CC2D2A: variants seen among roughly 807,000 people sequenced by gnomAD.
CC2D2A encodes coiled-coil and C2 domain containing 2A.
In CC2D2A, 155 loss-of-function variants were observed where a neutral mutation model predicts 212.9. The observed-to-expected ratio is 0.73, with a 90% CI of 0.64 to 0.83. The LOEUF is 0.83. CC2D2A is among the 40% of genes least tolerant of loss of function. CC2D2A has a pLI of 0.00. For missense variants in CC2D2A, 1,856 were observed against 1,956.2 expected (o/e 0.95, Z 0.97); for synonymous variants, 667 against 686.5 (o/e 0.97, Z 0.44).
chr4:15,599,851 A>T lies in CC2D2A; in HGVS notation c.4674+145A>T, dbSNP rs555242782. 290 of 530,180 alleles carry T rather than the reference A, an allele frequency of 5.5e-4. 2 individuals carry two copies. The South Asian group carries it at 9.1e-3, about 17-fold the overall frequency. 32.8% of individuals were successfully genotyped at this position (530,180 alleles called of 1,614,324 possible). A position where few individuals can be genotyped will look rare whatever the true frequency, so the allele number is the denominator to read the frequency against. On this transcript the variant is annotated intron_variant, in intron 36 of 36. Coordinates refer to ENST00000424120, the MANE Select transcript of CC2D2A (RefSeq NM_001378615.1). ...GCAGCATAAACTAAAAACTGTGATCATAAGTTTTAAACCTCAATAATCATG... is the reference window on the plus strand; with the variant it reads ...GCAGCATAAACTAAAAACTGTGATCTTAAGTTTTAAACCTCAATAATCATG...
chr4:15,524,599 C>T (rs1041607172), intron 11 of CC2D2A, among the ~76,000 whole-genome samples: 9 of 151,790 alleles, frequency 5.9e-5, no homozygotes, highest in African/African-American at 1.5e-4. Context: ...TACAGGTGCC[C>T]GCCACCACGC....
intron 23 of CC2D2A, 94 bp from the exon 24 acceptor site, chr4:15,563,261 G>A: frequency 7.9e-7 from 1 of 1,265,692 alleles, no homozygotes; most frequent in South Asian, 1.5e-5. Flanking sequence ...TCAGGGGCGT[G>A]TGCAGGACCA....
At chr4:15,589,892 G>A (rs1464202161) in intron 33 of CC2D2A, among the ~76,000 whole-genome samples, 1 of 151,850 alleles carries the variant, frequency 6.6e-6, no homozygotes, top group Non-Finnish European at 1.5e-5. Flanking sequence ...TTAGTCACCT[G>A]ACCTGCCCGA....
intron 17 of CC2D2A, among the ~76,000 whole-genome samples, chr4:15,541,374 T>G (rs1718436701): frequency 6.6e-6 from 1 of 152,056 alleles, no homozygotes; most frequent in African/African-American, 2.4e-5. Flanking sequence ...CCAATAATTT[T>G]TTGTTCATTA....
chr4:15,567,512 C>G (rs368696510), intron 25 of CC2D2A, 30 bp downstream of exon 25: 264 of 1,575,056 alleles, frequency 1.7e-4, no homozygotes, highest in Middle Eastern at 1.3e-3. Flanking sequence ...AGCTTTCCAC[C>G]TTGCCCCTTA....
At chr4:15,577,410 G>A (rs531561202) in intron 29 of CC2D2A, among the ~76,000 whole-genome samples, 3 of 152,280 alleles carry the variant, frequency 2.0e-5, no homozygotes, top group African/African-American at 7.2e-5. Context: ...GAATCAAACT[G>A]AAATTTGTCA....
intron 4 of CC2D2A, among the ~76,000 whole-genome samples, chr4:15,495,408 C>G (rs1486666431): frequency 2.0e-5 from 3 of 152,156 alleles, no homozygotes; most frequent in Admixed American, 2.0e-4. Flanking sequence ...CACGCCCAGC[C>G]TCTATTGTTT....
intron 19 of CC2D2A, among the ~76,000 whole-genome samples, chr4:15,554,584 G>A (rs948822061): frequency 1.3e-5 from 2 of 152,246 alleles, no homozygotes; most frequent in Non-Finnish European, 2.9e-5. Context: ...GCTCAGGCAT[G>A]AGAATCATTT....
chr4:15,502,869 C>T lies in CC2D2A; in HGVS notation c.384C>T (p.Pro128=). ...ALLQEIPTPR[P]RRLRSPSKKE... The stretch of plus-strand genomic sequence containing the variant: ...TGCAGGAAATCCCCACTCCTCGGCC[C>T]AGACGCTTACGAAGTCCCAGTAAGA... The change falls in exon 6 of 37, where the codon CCC becomes CCT. Residue 128 remains proline (P), a synonymous_variant. Coordinates refer to ENST00000424120, the MANE Select transcript of CC2D2A (RefSeq NM_001378615.1). 1 of 1,612,116 alleles carries T rather than the reference C, an allele frequency of 6.2e-7. No individual in the cohort carries two copies. The highest frequency in any genetic ancestry group is 8.5e-7 in the Non-Finnish European group (1 of 1,179,220).
At chr4:15,601,013 T>C (rs1560201674) in intron 36 of CC2D2A, among the ~76,000 whole-genome samples, 1 of 151,780 alleles carries the variant, frequency 6.6e-6, no homozygotes, top group Non-Finnish European at 1.5e-5. Context: ...GAGGGAACAG[T>C]GATGGAGTGA....
intron 17 of CC2D2A, among the ~76,000 whole-genome samples, chr4:15,549,318 G>A (rs529903190): frequency 2.6e-5 from 4 of 152,204 alleles, no homozygotes; most frequent in Admixed American, 2.6e-4. Flanking sequence ...TGCCACTTAC[G>A]GGCTTCCTGC....
chr4:15,502,588 T>C (rs1716024061), intron 5 of CC2D2A, 71 bp downstream of exon 5: 4 of 1,344,544 alleles, frequency 3.0e-6, no homozygotes, highest in Non-Finnish European at 4.1e-6. Flanking sequence ...AGCTTACTTT[T>C]TATGCTCCAA....
chr4:15,535,358 C>A (rs1718070076), intron 14 of CC2D2A, among the ~76,000 whole-genome samples: 1 of 152,048 alleles, frequency 6.6e-6, no homozygotes, highest in South Asian at 2.1e-4. Context: ...TCCATCCCTC[C>A]CCTCCTTCTT....
intron 11 of CC2D2A, among the ~76,000 whole-genome samples, chr4:15,523,254 T>C (rs138198939): frequency 1.1e-4 from 16 of 152,320 alleles, no homozygotes; most frequent in African/African-American, 3.8e-4. Flanking sequence ...AAAAGTCTAC[T>C]ATATTCTTAG....
Position 15,587,865 on chromosome 4 carries a change from T to C in CC2D2A, c.4115T>C (p.Leu1372Ser). Reference protein sequence around the residue: ...AGDEEEHAVLLCNYFLSLGKK... With the variant: ...AGDEEEHAVLSCNYFLSLGKK... ...GATGAAGAAGAACATGCAGTACTAT[T>C]GTGTAATTACTTTCTGTCTCTGGGT... The change falls in exon 32 of 37, where the codon TTG (leucine) becomes TCG (serine). Residue 1372 changes from leucine to serine, a missense_variant. Coordinates refer to ENST00000424120, the MANE Select transcript of CC2D2A (RefSeq NM_001378615.1). 6.2e-7 allele frequency: 1 copy of C among 1,613,714 alleles called. No individual in the cohort carries two copies. Among genetic ancestry groups the C allele is most frequent in the Non-Finnish European group, 8.5e-7 (1 of 1,179,650 alleles).
intron 29 of CC2D2A, 143 bp downstream of exon 29, chr4:15,574,469 T>A (rs1005742067): frequency 4.7e-6 from 3 of 643,862 alleles, no homozygotes; most frequent in Non-Finnish European, 7.4e-6. Flanking sequence ...TCAGTTTAGA[T>A]AGAATGGTGG....
intron 17 of CC2D2A, among the ~76,000 whole-genome samples, chr4:15,547,233 A>G (rs1013870754): frequency 1.3e-5 from 2 of 152,224 alleles, no homozygotes; most frequent in African/African-American, 4.8e-5. Flanking sequence ...GTATTTTGAT[A>G]CATGAATAGA....
chr4:15,515,726 G>GT, intron 9 of CC2D2A, 142 bp from the exon 10 acceptor site: 1 of 789,456 alleles, frequency 1.3e-6, no homozygotes, highest in Non-Finnish European at 1.9e-6. Flanking sequence ...CTTTTCCTTG[G>GT]TTCTGCTTTT....
Position 15,533,198 on chromosome 4 carries a change from C to T in CC2D2A, c.1472C>T (p.Thr491Ile). ...INEYKSEIRQ[T>I]RKFRDAEQEK... ...TGTGTTATTATATCTTGCAGACAAA[C>T]AAGAAAATTCCGTGATGCTGAACAA... is the stretch of plus-strand genomic sequence containing the variant. Residue 491 changes from threonine (T) to isoleucine (I), a missense_variant, in exon 14 of 37, where the codon ACA (threonine) becomes ATA (isoleucine). This residue lies in a region of CC2D2A where 1,512 missense variants were observed against 1,579.3 expected (regional missense o/e 0.96). Coordinates refer to ENST00000424120, the MANE Select transcript of CC2D2A (RefSeq NM_001378615.1). 6.3e-7 allele frequency: 1 copy of T among 1,577,350 alleles called. No individual in the cohort carries two copies. Among genetic ancestry groups the T allele is most frequent in the East Asian group, 2.3e-5 (1 of 43,698 alleles).
Sources: allele counts gnomAD v4.1 joint callset (sites outside exome capture counted in the v4.1 genomes callset), GRCh38; gene constraint gnomAD v4.1.1; regional missense constraint gnomAD v4.1.1; transcripts MANE v1.5; gene names NCBI Gene and HGNC (gene_info 2026-07-23, HGNC 2026-07-21).